RILP: variants seen among roughly 807,000 people sequenced by gnomAD.
The protein encoded by RILP is rab-interacting lysosomal protein.
A neutral mutation model predicts 40.0 loss-of-function variants in RILP; 53 were observed. The ratio of observed to expected loss-of-function variants is 1.32; its 90% CI spans 1.06 to 1.66. The LOEUF is 1.66. Among genes scored for constraint, RILP ranks in the 40% most tolerant of loss-of-function variants. The pLI, the probability that RILP is intolerant of heterozygous loss-of-function variation, is 0.00. For synonymous variants in RILP, 272 were observed against 250.6 expected (o/e 1.09, Z -0.80); for missense variants, 626 against 551.7 (o/e 1.13, Z -1.35).
In RILP at chr17:1,646,992, G is replaced by T; in HGVS notation, c.945-3C>A. Reference sequence around the variant, plus strand: ...TCCATGGGCCAGCCTCATCCTCACTGAGACAGAGGAGAGAGGAGAAGTGAG... The same window carrying T: ...TCCATGGGCCAGCCTCATCCTCACTTAGACAGAGGAGAGAGGAGAAGTGAG... On this transcript the variant is annotated splice_polypyrimidine_tract_variant and splice_region_variant and intron_variant, in intron 6 of 7. Coordinates refer to ENST00000301336, the MANE Select transcript of RILP (RefSeq NM_031430.3). This position sits in a 1 kb window ranked among gnomAD's most constrained non-coding sequence, Gnocchi z 4.3. The T allele has an allele frequency of 6.3e-7, 1 of 1,588,666 alleles. No homozygotes were observed. The highest frequency in any genetic ancestry group is 8.6e-7 in the Non-Finnish European group (1 of 1,165,348).
Position 1,646,756 on chromosome 17 carries a change from C to G in RILP, c.1029-137G>C. On this transcript the variant is annotated intron_variant, in intron 7 of 7. Transcript: ENST00000301336. The surrounding 1 kb of genome is among the most constrained non-coding windows in gnomAD (Gnocchi z 4.3). ...GAGGGAGTGTGAAGGTGATGGGGGC[C>G]AGGGCCAGAGAAGCAGGAGGGGACG... The G allele has an allele frequency of 9.2e-7, 1 of 1,087,556 alleles. No homozygotes were observed. Among genetic ancestry groups the G allele is most frequent in the East Asian group, 2.5e-5 (1 of 40,042 alleles). The allele number at this position is 1,087,556 out of a possible 1,614,324, so 67.4% of individuals were successfully genotyped here.
chr17:1,649,269 C>G lies in RILP; in HGVS notation c.360G>C (p.Thr120=). 3 of 1,509,194 alleles carry G rather than the reference C, an allele frequency of 2.0e-6. No homozygotes were observed. Among genetic ancestry groups the G allele is most frequent in the Non-Finnish European group, 8.8e-7 (1 of 1,136,618 alleles). The allele number at this position is 1,509,194 out of a possible 1,614,324, so 93.5% of individuals were successfully genotyped here. A position where few individuals can be genotyped will look rare whatever the true frequency, so the allele number is the denominator to read the frequency against. ...RALLRQLKEV[T]DRQRDELRAH... ...CCCGGAGTTCGTCCCGCTGTCGGTC[C>G]GTGACCTCCTTGAGCTGCCGCAGCA... Residue 120 remains threonine, a synonymous_variant, in exon 3 of 8, where the codon ACG becomes ACC. Coordinates refer to ENST00000301336, the MANE Select transcript of RILP (RefSeq NM_031430.3). The surrounding 1 kb of genome is among the most constrained non-coding windows in gnomAD (Gnocchi z 4.3).
In RILP at chr17:1,648,101, G is replaced by A. The variant is rs899789852; in HGVS notation, c.822-144C>T. On this transcript the variant is annotated intron_variant, in intron 5 of 7. Coordinates refer to ENST00000301336, the MANE Select transcript of RILP (RefSeq NM_031430.3). This position sits in a 1 kb window ranked among gnomAD's most constrained non-coding sequence, Gnocchi z 4.9. The stretch of plus-strand genomic sequence containing the variant: ...AACACGGGAAGCGCTCTGCCTTGCT[G>A]ACACCCTCAGACCTTAAATTAGGTG... The A allele has an allele frequency of 4.4e-5, 54 of 1,231,294 alleles. No homozygotes were observed. Among genetic ancestry groups the A allele is most frequent in the Non-Finnish European group, 5.7e-5 (51 of 891,262 alleles). 76.3% of individuals were successfully genotyped at this position (1,231,294 alleles called of 1,614,324 possible).
In RILP at chr17:1,649,546, C is replaced by T; in HGVS notation, c.228+31G>A. ...TCTCAGGCTTCGGCCCTGCCGGCCCCGTGGGTGGCGAAGGGAGGGCCATGA... is the reference window on the plus strand; with the variant it reads ...TCTCAGGCTTCGGCCCTGCCGGCCCTGTGGGTGGCGAAGGGAGGGCCATGA... On this transcript the variant is annotated intron_variant, in intron 1 of 7. Coordinates refer to ENST00000301336, the MANE Select transcript of RILP (RefSeq NM_031430.3). This position sits in a 1 kb window ranked among gnomAD's most constrained non-coding sequence, Gnocchi z 4.3. 6.6e-7 allele frequency: 1 copy of T among 1,513,610 alleles called. No individual in the cohort carries two copies. The highest frequency in any genetic ancestry group is 8.8e-7 in the Non-Finnish European group (1 of 1,138,240). The allele number at this position is 1,513,610 out of a possible 1,614,324, so 93.8% of individuals were successfully genotyped here. A position where few individuals can be genotyped will look rare whatever the true frequency, so the allele number is the denominator to read the frequency against.
chr17:1,648,262 A>G lies in RILP; in HGVS notation c.821+88T>C. Reference sequence around the variant, plus strand: ...TTCATGTCCTCCCAGTTCCCAGCGCAGGCCTGGCACATGTCACTGTGGACA... The same window carrying G: ...TTCATGTCCTCCCAGTTCCCAGCGCGGGCCTGGCACATGTCACTGTGGACA... On this transcript the variant is annotated intron_variant, in intron 5 of 7. Transcript: ENST00000301336. The surrounding 1 kb of genome is among the most constrained non-coding windows in gnomAD (Gnocchi z 4.9). 6.7e-7 allele frequency: 1 copy of G among 1,494,766 alleles called. No homozygotes were observed. Among genetic ancestry groups the G allele is most frequent in the Middle Eastern group, 1.8e-4 (1 of 5,626 alleles). The allele number at this position is 1,494,766 out of a possible 1,614,324, so 92.6% of individuals were successfully genotyped here.
chr17:1,647,973 A>G lies in RILP; in HGVS notation c.822-16T>C. 1 of 1,613,372 alleles carries G rather than the reference A, an allele frequency of 6.2e-7. No individual in the cohort carries two copies. Among genetic ancestry groups the G allele is most frequent in the Non-Finnish European group, 8.5e-7 (1 of 1,179,924 alleles). ...GAGCAGCTCCCTAAAGAAAAGGGGC[A>G]GGGAGGGAGAAAGCCCTGGTGATGC... On this transcript the variant is annotated splice_polypyrimidine_tract_variant and intron_variant, in intron 5 of 7. Coordinates refer to ENST00000301336, the MANE Select transcript of RILP (RefSeq NM_031430.3).
chr17:1,647,414 A>G (rs1006440728), intron 6 of RILP, among the ~76,000 whole-genome samples: 1 of 152,134 alleles, frequency 6.6e-6, no homozygotes. Context: ...TGCTGGGATT[A>G]CAGGCGTGAG....
chr17:1,649,412 C>A lies in RILP; in HGVS notation c.322G>T (p.Glu108Ter). Residue 108 changes from glutamate (E) to a stop codon, truncating the protein, a stop_gained and splice_region_variant, in exon 2 of 8, where the codon GAG (glutamate) becomes TAG (stop). Transcript: ENST00000301336. LOFTEE classifies it high-confidence loss of function. The surrounding 1 kb of genome is among the most constrained non-coding windows in gnomAD (Gnocchi z 4.3). ...CTGCCCTGGCCGGGGCTGCGCTTAC[C>A]CTGTGGCCCCGCGCGCAGCTCCCTG... is the stretch of plus-strand genomic sequence containing the variant. ...LRRELRAGPQ[E>*]ERALLRQLKE... 6.6e-7 allele frequency: 1 copy of A among 1,506,452 alleles called. No homozygotes were observed. The highest frequency in any genetic ancestry group is 2.7e-5 in the East Asian group (1 of 37,128). 93.3% of individuals were successfully genotyped at this position (1,506,452 alleles called of 1,614,324 possible).
At position 1,649,456 on chromosome 17, in the gene RILP, T is replaced by G; in HGVS notation, c.278A>C (p.Glu93Ala). 6.6e-7 allele frequency: 1 copy of G among 1,510,926 alleles called. No individual in the cohort carries two copies. Among genetic ancestry groups the G allele is most frequent in the Non-Finnish European group, 8.8e-7 (1 of 1,137,392 alleles). 93.6% of individuals were successfully genotyped at this position (1,510,926 alleles called of 1,614,324 possible). A position where few individuals can be genotyped will look rare whatever the true frequency, so the allele number is the denominator to read the frequency against. ...PAEQELRRLR[E>A]ENERLRRELR... ...CTCCCTGCGGAGGCGCTCGTTCTCC[T>G]CCCGCAGCCGCCGCAGCTCCTGCTC... Residue 93 changes from glutamate (E) to alanine (A), a missense_variant, in exon 2 of 8, where the codon GAG (glutamate) becomes GCG (alanine). Coordinates refer to ENST00000301336, the MANE Select transcript of RILP (RefSeq NM_031430.3). The surrounding 1 kb of genome is among the most constrained non-coding windows in gnomAD (Gnocchi z 4.3).
At chr17:1,647,437 G>A (rs1029823893) in intron 6 of RILP, among the ~76,000 whole-genome samples, 5 of 152,168 alleles carry the variant, frequency 3.3e-5, no homozygotes, top group African/African-American at 7.2e-5. Flanking sequence ...ACCGCGCCCT[G>A]CCAAGGGTTT....
In RILP at chr17:1,648,647, C is replaced by T. The variant is rs1009194367; in HGVS notation, c.675+152G>A. 1.4e-6 allele frequency: 2 copies of T among 1,401,874 alleles called. No individual in the cohort carries two copies. Among genetic ancestry groups the T allele is most frequent in the African/African-American group, 1.4e-5 (1 of 69,040 alleles). The allele number at this position is 1,401,874 out of a possible 1,614,324, so 86.8% of individuals were successfully genotyped here. On this transcript the variant is annotated intron_variant, in intron 4 of 7. Transcript: ENST00000301336. This position sits in a 1 kb window ranked among gnomAD's most constrained non-coding sequence, Gnocchi z 4.9. ...AACAGAGCAGTGCTCCAGCTGAGAG[C>T]GGGGGCCGAGGCCGGCCGGGGGCGC...
In RILP at chr17:1,648,607, G is replaced by C; in HGVS notation, c.676-112C>G. The C allele has an allele frequency of 6.8e-7, 1 of 1,478,538 alleles. No homozygotes were observed. Among genetic ancestry groups the C allele is most frequent in the Non-Finnish European group, 9.0e-7 (1 of 1,112,388 alleles). The allele number at this position is 1,478,538 out of a possible 1,614,324, so 91.6% of individuals were successfully genotyped here. A position where few individuals can be genotyped will look rare whatever the true frequency, so the allele number is the denominator to read the frequency against. ...CGGGCCGGGAGACTTGGGGGACAAG[G>C]GTGCCCTAACAGATAACAGAGCAGT... On this transcript the variant is annotated intron_variant, in intron 4 of 7. Transcript: ENST00000301336. This position sits in a 1 kb window ranked among gnomAD's most constrained non-coding sequence, Gnocchi z 4.9.
Position 1,649,128 on chromosome 17 carries a change from G to T in RILP, c.429+72C>A. 2 of 388,184 alleles carry T rather than the reference G, an allele frequency of 5.2e-6. No individual in the cohort carries two copies. The highest frequency in any genetic ancestry group is 7.4e-6 in the Non-Finnish European group (2 of 269,430). The allele number at this position is 388,184 out of a possible 1,614,324, so 24.0% of individuals were successfully genotyped here. ...CCAGCGCCTGCCTCGCTCCGCCCCC[G>T]CCCCCGGAGCCCCGCCCAGCGCCTG... is the stretch of plus-strand genomic sequence containing the variant. On this transcript the variant is annotated intron_variant, in intron 3 of 7. Transcript: ENST00000301336. The surrounding 1 kb of genome is among the most constrained non-coding windows in gnomAD (Gnocchi z 4.3).
Position 1,648,046 on chromosome 17 carries a change from C to G in RILP, c.822-89G>C. On this transcript the variant is annotated intron_variant, in intron 5 of 7. Coordinates refer to ENST00000301336, the MANE Select transcript of RILP (RefSeq NM_031430.3). The surrounding 1 kb of genome is among the most constrained non-coding windows in gnomAD (Gnocchi z 4.9). ...GGAGATGCCAGCCGCAGTCCTCACT[C>G]CTGGTACCTGTGCACGCAGCTCTTC... 2.0e-6 allele frequency: 3 copies of G among 1,520,226 alleles called. No individual in the cohort carries two copies. Among genetic ancestry groups the G allele is most frequent in the Non-Finnish European group, 2.7e-6 (3 of 1,115,612 alleles). 94.2% of individuals were successfully genotyped at this position (1,520,226 alleles called of 1,614,324 possible). A position where few individuals can be genotyped will look rare whatever the true frequency, so the allele number is the denominator to read the frequency against.
Position 1,649,194 on chromosome 17 carries a change from C to T in RILP, c.429+6G>A. 1.4e-6 allele frequency: 2 copies of T among 1,469,540 alleles called. No individual in the cohort carries two copies. The highest frequency in any genetic ancestry group is 1.3e-5 in the South Asian group (1 of 78,182). 91.0% of individuals were successfully genotyped at this position (1,469,540 alleles called of 1,614,324 possible). A position where few individuals can be genotyped will look rare whatever the true frequency, so the allele number is the denominator to read the frequency against. ...GCCCCGCCCCAGAGCCCCGCCCCGC[C>T]CTCACCGCCTCGGTCTCCTGGCCGC... On this transcript the variant is annotated splice_donor_region_variant and intron_variant, in intron 3 of 7. Transcript: ENST00000301336. This position sits in a 1 kb window ranked among gnomAD's most constrained non-coding sequence, Gnocchi z 4.3.
chr17:1,649,177 C>G lies in RILP; in HGVS notation c.429+23G>C. On this transcript the variant is annotated intron_variant, in intron 3 of 7. Transcript: ENST00000301336. This position sits in a 1 kb window ranked among gnomAD's most constrained non-coding sequence, Gnocchi z 4.3. Reference sequence around the variant, plus strand: ...TGCCACGCTCCGCCCCCGCCCCGCCCCAGAGCCCCGCCCCGCCCTCACCGC... The same window carrying G: ...TGCCACGCTCCGCCCCCGCCCCGCCGCAGAGCCCCGCCCCGCCCTCACCGC... 2 of 1,368,818 alleles carry G rather than the reference C, an allele frequency of 1.5e-6. No individual in the cohort carries two copies. Among genetic ancestry groups the G allele is most frequent in the Non-Finnish European group, 1.9e-6 (2 of 1,048,340 alleles). The allele number at this position is 1,368,818 out of a possible 1,614,324, so 84.8% of individuals were successfully genotyped here.
rs1448414960 is a variant in RILP at position 1,648,379 on chromosome 17, C to T, written c.792G>A (p.Leu264=). The T allele has an allele frequency of 1.2e-6, 2 of 1,614,080 alleles. No homozygotes were observed. Among genetic ancestry groups the T allele is most frequent in the Admixed American group, 1.7e-5 (1 of 60,016 alleles). Residue 264 remains leucine, a synonymous_variant, in exon 5 of 8, where the codon CTG becomes CTA. Coordinates refer to ENST00000301336, the MANE Select transcript of RILP (RefSeq NM_031430.3). This position sits in a 1 kb window ranked among gnomAD's most constrained non-coding sequence, Gnocchi z 4.9. Reference sequence around the variant, plus strand: ...GGAAGTAGGCCAGTTCCTCCTTGAGCAGGAACACTTTGGCTTTGAGTTCAT... The same window carrying T: ...GGAAGTAGGCCAGTTCCTCCTTGAGTAGGAACACTTTGGCTTTGAGTTCAT... ...ERNELKAKVF[L]LKEELAYFQR...
In RILP at chr17:1,649,637, C is replaced by T; in HGVS notation, c.168G>A (p.Pro56=). The change falls in exon 1 of 8, where the codon CCG becomes CCA. Residue 56 remains proline, a synonymous_variant. Coordinates refer to ENST00000301336, the MANE Select transcript of RILP (RefSeq NM_031430.3). This position sits in a 1 kb window ranked among gnomAD's most constrained non-coding sequence, Gnocchi z 4.3. The stretch of plus-strand genomic sequence containing the variant: ...AGAGCTCCAGCGCCCGCACCACTAG[C>T]GGCACCAGCCCGGCCGCCGCCTCCG... ...FGPEAAAGLV[P]LVVRALELLE... is the part of the protein sequence containing the mutation. 2 of 1,585,576 alleles carry T rather than the reference C, an allele frequency of 1.3e-6. No individual in the cohort carries two copies. The highest frequency in any genetic ancestry group is 8.5e-7 in the Non-Finnish European group (1 of 1,173,724).
In RILP at chr17:1,646,807, G is replaced by C. The variant is rs949976862; in HGVS notation, c.1028+99C>G. 2 of 1,100,336 alleles carry C rather than the reference G, an allele frequency of 1.8e-6. No homozygotes were observed. Among genetic ancestry groups the C allele is most frequent in the African/African-American group, 1.6e-5 (1 of 63,414 alleles). 68.2% of individuals were successfully genotyped at this position (1,100,336 alleles called of 1,614,324 possible). On this transcript the variant is annotated intron_variant, in intron 7 of 7. Transcript: ENST00000301336. This position sits in a 1 kb window ranked among gnomAD's most constrained non-coding sequence, Gnocchi z 4.3. The stretch of plus-strand genomic sequence containing the variant: ...GTGTGCTTAGAGCCAAGCACAGCAG[G>C]GTGACGGGCAGAGAAGCGGGAAAGG...
Sources: gnomAD v4.1 joint callset for allele counts (sites outside exome capture counted in the v4.1 genomes callset) on GRCh38, gnomAD v4.1.1 for gene constraint, Gnocchi (gnomAD v3.1) non-coding constraint, MANE v1.5 for transcripts, NCBI Gene and HGNC (gene_info 2026-07-23, HGNC 2026-07-21) for gene names.